TBC1D15: variants seen among roughly 807,000 people sequenced by gnomAD.
TBC1D15 encodes the protein TBC1 domain family member 15.
Under a neutral mutation model 95.4 loss-of-function variants are expected in TBC1D15, and 39 were observed. The observed-to-expected ratio is 0.41, with a 90% confidence interval of 0.32 to 0.53. The LOEUF (loss-of-function observed/expected upper bound fraction) is 0.53, where lower values mean the gene tolerates loss of function less well. TBC1D15 is among the 20% of genes least tolerant of loss of function. The pLI, the probability that TBC1D15 is intolerant of heterozygous loss-of-function variation, is 0.29. For synonymous variants in TBC1D15, 258 were observed against 261.3 expected, an observed-to-expected ratio of 0.99 and a Z score of 0.12; for missense variants, 733 against 794.3, an observed-to-expected ratio of 0.92 and a Z score of 0.93.
At chr12:71,921,011 A>T (rs17110424) in intron 15 of TBC1D15, among the ~76,000 whole-genome samples, 164 bp downstream of exon 15, 1 of 151,922 alleles carries the variant, frequency 6.6e-6, no homozygotes, top group African/African-American at 2.4e-5. Context: ...TCAAATACAT[A>T]TTGGCCAGTT....
chr12:71,897,759 A>T lies in TBC1D15; in HGVS notation c.1089-88A>T, dbSNP rs1012165097. ...TTCCACTAGCATCATAAATGCTTTG[A>T]TATACTGTTTATAGAAAAACCCAAT... is the stretch of plus-strand genomic sequence containing the variant. On this transcript the variant is annotated intron_variant, in intron 9 of 16. Transcript: ENST00000485960. The T allele has an allele frequency of 4.5e-6, 4 of 897,778 alleles. No homozygotes were observed. In the African/African-American group the frequency reaches 6.7e-5, roughly 15 times the overall value. The allele number at this position is 897,778 out of a possible 1,614,324, so 55.6% of individuals were successfully genotyped here. A position where few individuals can be genotyped will look rare whatever the true frequency, so the allele number is the denominator to read the frequency against.
At chr12:71,875,073 G>T (rs531244298) in intron 3 of TBC1D15, among the ~76,000 whole-genome samples, 1 of 152,096 alleles carries the variant, frequency 6.6e-6, no homozygotes, top group Admixed American at 6.5e-5. Flanking sequence ...CAAATAGCTG[G>T]AACTACAGGC....
At chr12:71,849,854 T>C (rs1378282208) in intron 1 of TBC1D15, 44 of 566,546 alleles carry the variant, frequency 7.8e-5, no homozygotes, top group South Asian at 6.2e-4. Flanking sequence ...AAATGTGGAG[T>C]TTGCTTCTGT....
rs1870400143 is a variant in TBC1D15, at chr12:71,924,221, AT to A, written c.*1021del. On this transcript the variant is annotated 3_prime_UTR_variant, in exon 17 of 17. Coordinates refer to ENST00000485960, the MANE Select transcript of TBC1D15 (RefSeq NM_001146213.3). ...TGTTTTTACCATGCAGTATTGCATG[AT>A]TTTAAGTTATGTGGAATTAACATAA... is the stretch of plus-strand genomic sequence containing the variant. The A allele has an allele frequency of 6.6e-6, 1 of 152,638 alleles. No individual in the cohort carries two copies. The highest frequency in any genetic ancestry group is 6.5e-5 in the Admixed American group (1 of 15,278). 9.5% of individuals were successfully genotyped at this position (152,638 alleles called of 1,614,324 possible).
intron 1 of TBC1D15, among the ~76,000 whole-genome samples, chr12:71,856,058 GC>G (rs1888994812): frequency 6.6e-6 from 1 of 152,004 alleles, no homozygotes; most frequent in African/African-American, 2.4e-5. Context: ...CCCCCATACT[GC>G]CAAACCACCC....
Position 71,880,407 on chromosome 12 carries a change from A to T in TBC1D15, c.205-62A>T, listed in dbSNP as rs573849720. ...GCCTACAAACATTGAAGCTAAGATGATATGGATTGAAATTAAATTTGTTTT... is the reference window on the plus strand; with the variant it reads ...GCCTACAAACATTGAAGCTAAGATGTTATGGATTGAAATTAAATTTGTTTT... On this transcript the variant is annotated intron_variant, in intron 3 of 16. Transcript: ENST00000485960. The T allele has an allele frequency of 1.5e-4, 212 of 1,404,978 alleles. 1 individual carries two copies. In the South Asian group the frequency reaches 2.6e-3, roughly 17 times the overall value. The allele number at this position is 1,404,978 out of a possible 1,614,324, so 87.0% of individuals were successfully genotyped here.
intron 1 of TBC1D15, among the ~76,000 whole-genome samples, chr12:71,846,661 G>A (rs1886339297): frequency 6.6e-6 from 1 of 151,360 alleles, no homozygotes; most frequent in South Asian, 2.1e-4. Flanking sequence ...TTTCTTTTTA[G>A]TGAGAATGTC....
intron 12 of TBC1D15, among the ~76,000 whole-genome samples, chr12:71,916,742 G>A (rs545941587): frequency 6.6e-6 from 1 of 152,288 alleles, no homozygotes; most frequent in South Asian, 2.1e-4. Context: ...CAGAGCATCA[G>A]TTTTGGTGCC....
chr12:71,908,085 C>T (rs10879343), intron 11 of TBC1D15: 16,634 of 152,346 alleles, frequency 0.11, 1,073 homozygotes, highest in African/African-American at 0.16. Flanking sequence ...TTAGGAGAAT[C>T]GCTTGAACCT....
chr12:71,920,815 G>A lies in TBC1D15; in HGVS notation c.1684G>A (p.Glu562Lys). 6.2e-7 allele frequency: 1 copy of A among 1,611,374 alleles called. No individual in the cohort carries two copies. Among genetic ancestry groups the A allele is most frequent in the Non-Finnish European group, 8.5e-7 (1 of 1,178,654 alleles). Residue 562 changes from glutamate to lysine, a missense_variant, in exon 15 of 17, where the codon GAA (glutamate) becomes AAA (lysine). By Grantham distance (56) the Glu-to-Lys change is moderately conservative (BLOSUM62 1). Coordinates refer to ENST00000485960, the MANE Select transcript of TBC1D15 (RefSeq NM_001146213.3). ...GGAATCAGAAAAGCAGCAAATAATG[G>A]AAAAGCATTATGGCTTCAATGAAAT... Reference protein sequence around the residue: ...ILESEKQQIMEKHYGFNEILK... With the variant: ...ILESEKQQIMKKHYGFNEILK...
At chr12:71,849,287 C>A (rs531531296) in intron 1 of TBC1D15, 1 of 863,258 alleles carries the variant, frequency 1.2e-6, no homozygotes, top group Non-Finnish European at 1.9e-6. Flanking sequence ...CTTTGTTCCA[C>A]GCTTCTATCT....
At chr12:71,848,061 C>T (rs894971901) in intron 1 of TBC1D15, among the ~76,000 whole-genome samples, 1 of 152,180 alleles carries the variant, frequency 6.6e-6, no homozygotes, top group East Asian at 1.9e-4. Flanking sequence ...CTTGCCACTG[C>T]ACGCCAGCCT....
chr12:71,891,188 A>G (rs976183576), intron 5 of TBC1D15, among the ~76,000 whole-genome samples: 1 of 152,198 alleles, frequency 6.6e-6, no homozygotes, highest in African/African-American at 2.4e-5. Flanking sequence ...AGTTACTGCT[A>G]CATTTGGGTA....
intron 1 of TBC1D15, among the ~76,000 whole-genome samples, chr12:71,843,257 C>T (rs1354983397): frequency 6.6e-6 from 1 of 152,004 alleles, no homozygotes; most frequent in Non-Finnish European, 1.5e-5. Flanking sequence ...GAAGGGCATA[C>T]TGTGTTTCAA....
chr12:71,900,845 A>C (rs1899216696), intron 10 of TBC1D15, among the ~76,000 whole-genome samples: 1 of 152,126 alleles, frequency 6.6e-6, no homozygotes, highest in Non-Finnish European at 1.5e-5. Context: ...TTTTAGTAGG[A>C]AAGTGATATT....
chr12:71,843,217 C>G (rs952097177), intron 1 of TBC1D15, among the ~76,000 whole-genome samples: 1 of 152,068 alleles, frequency 6.6e-6, no homozygotes, highest in African/African-American at 2.4e-5. Flanking sequence ...GTGCAGTGAG[C>G]TGAGATTGTG....
At chr12:71,898,477 A>G (rs1180217555) in intron 10 of TBC1D15, among the ~76,000 whole-genome samples, 1 of 152,146 alleles carries the variant, frequency 6.6e-6, no homozygotes, top group African/African-American at 2.4e-5. Context: ...TTACCTGGGG[A>G]TAACTATTCT....
At chr12:71,882,412 T>G (rs1317759202) in intron 4 of TBC1D15, among the ~76,000 whole-genome samples, 1 of 152,222 alleles carries the variant, frequency 6.6e-6, no homozygotes, top group East Asian at 1.9e-4. Flanking sequence ...AGAGACTTAC[T>G]GAACTGTTCT....
intron 10 of TBC1D15, among the ~76,000 whole-genome samples, chr12:71,900,958 G>A (rs2138797249): frequency 6.6e-6 from 1 of 152,208 alleles, no homozygotes; most frequent in Non-Finnish European, 1.5e-5. Context: ...AGAAATAATG[G>A]GCATCCAGAT....
Sources: gnomAD v4.1 joint callset for allele counts (sites outside exome capture counted in the v4.1 genomes callset) on GRCh38, gnomAD v4.1.1 for gene constraint, MANE v1.5 for transcripts, NCBI Gene and HGNC (gene_info 2026-07-23, HGNC 2026-07-21) for gene names.